COL27A1: variants seen among roughly 807,000 people sequenced by gnomAD.
COL27A1 encodes collagen alpha-1(XXVII) chain.
A neutral mutation model predicts 251.3 loss-of-function variants in COL27A1; 106 were observed. The ratio of observed to expected loss-of-function variants is 0.42; its 90% CI spans 0.36 to 0.50. The LOEUF (loss-of-function observed/expected upper bound fraction) is 0.50. COL27A1 is among the 20% of genes least tolerant of loss of function. The pLI, the probability that COL27A1 is intolerant of heterozygous loss-of-function variation, is 0.00. For synonymous variants in COL27A1, 1,000 were observed against 986.3 expected (o/e 1.01, Z -0.26); for missense variants, 2,325 against 2,522.8 (o/e 0.92, Z 1.68).
chr9:114,310,435 A>T, intron 60 of COL27A1, 114 bp from the exon 61 acceptor site: 1 of 1,151,740 alleles, frequency 8.7e-7, no homozygotes, highest in Non-Finnish European at 1.3e-6. Flanking sequence ...CATTGCTACA[A>T]TGAAATACAG....
At chr9:114,268,982 T>G in intron 34 of COL27A1, 1 of 434,744 alleles carries the variant, frequency 2.3e-6, no homozygotes, top group Non-Finnish European at 4.0e-6. Flanking sequence ...AACAGTACAG[T>G]TAGTTATTAA....
intron 23 of COL27A1, among the ~76,000 whole-genome samples, 179 bp from the exon 24 acceptor site, chr9:114,245,687 G>C (rs1482209083): frequency 6.6e-6 from 1 of 152,226 alleles, no homozygotes; most frequent in East Asian, 1.9e-4. Flanking sequence ...CTGAGGTTCT[G>C]TCCAAGTACC....
intron 28 of COL27A1, among the ~76,000 whole-genome samples, chr9:114,263,777 C>T (rs939556612): frequency 2.0e-5 from 3 of 152,146 alleles, no homozygotes; most frequent in Non-Finnish European, 4.4e-5. Context: ...CCCACTCCCT[C>T]GTGCAAAATC....
chr9:114,263,226 T>C (rs577173836), intron 28 of COL27A1, among the ~76,000 whole-genome samples: 186 of 152,246 alleles, frequency 1.2e-3, no homozygotes, highest in African/African-American at 4.3e-3. Context: ...CGTGAGCCAC[T>C]GTGCCCAGCC....
At chr9:114,253,387 A>AAGAAAGAAAGAAAG (rs10652861) in intron 27 of COL27A1, among the ~76,000 whole-genome samples, 28 of 145,270 alleles carry the variant, frequency 1.9e-4, no homozygotes, top group African/African-American at 6.9e-4. Context: ...GAAAGAAAGA[A>AAGAAAGAAAGAAAG]AAAAGAAAGA....
chr9:114,278,115 T>C (rs577867204), intron 37 of COL27A1, among the ~76,000 whole-genome samples: 3 of 152,000 alleles, frequency 2.0e-5, no homozygotes, highest in African/African-American at 7.2e-5. Flanking sequence ...TTTATAAATT[T>C]AGAGGAGAAA....
Position 114,290,946 on chromosome 9 carries a change from C to G in COL27A1, c.4476+29C>G. ...AGATACCTCTTAATACACTTACCCA[C>G]CCTCTGCCCTTTCTGCCTTGATGCA... On this transcript the variant is annotated intron_variant, in intron 48 of 60. Transcript: ENST00000356083. This position sits in a 1 kb window ranked among gnomAD's most constrained non-coding sequence, Gnocchi z 4.6. 2 of 1,489,376 alleles carry G rather than the reference C, an allele frequency of 1.3e-6. No individual in the cohort carries two copies. Among genetic ancestry groups the G allele is most frequent in the Non-Finnish European group, 1.8e-6 (2 of 1,094,784 alleles). 92.3% of individuals were successfully genotyped at this position (1,489,376 alleles called of 1,614,324 possible).
intron 22 of COL27A1, 54 bp from the exon 23 acceptor site, chr9:114,243,453 C>G: frequency 6.6e-7 from 1 of 1,515,238 alleles, no homozygotes; most frequent in Non-Finnish European, 9.2e-7. Context: ...CCCCTGGACC[C>G]CAGCCATGTT....
At chr9:114,298,443 T>C (rs1355904778) in intron 49 of COL27A1, among the ~76,000 whole-genome samples, 2 of 152,222 alleles carry the variant, frequency 1.3e-5, no homozygotes, top group Non-Finnish European at 2.9e-5. Flanking sequence ...CACTTCCCAA[T>C]TTCAAAACTT....
chr9:114,271,459 T>C (rs1362110820), intron 36 of COL27A1: 1 of 152,382 alleles, frequency 6.6e-6, no homozygotes, highest in Non-Finnish European at 1.5e-5. Context: ...TCAGGACCTA[T>C]GGCTATGAGT....
In COL27A1 at chr9:114,167,947, T is replaced by C. The variant is rs1245394916; in HGVS notation, c.392T>C (p.Leu131Pro). 3.1e-6 allele frequency: 5 copies of C among 1,609,432 alleles called. No individual in the cohort carries two copies. The highest frequency in any genetic ancestry group is 3.4e-6 in the Non-Finnish European group (4 of 1,179,860). The stretch of plus-strand genomic sequence containing the variant: ...AAGCTGCAGCTGGGCCTGCAGTTCC[T>C]CCCCGGCAAGACGGTCGTCCACCTC... The part of the protein sequence containing the change: ...KRKLQLGLQF[L>P]PGKTVVHLGS... The change falls in exon 3 of 61, where the codon CTC becomes CCC. Residue 131 changes from leucine to proline, a missense_variant. Coordinates refer to ENST00000356083, the MANE Select transcript of COL27A1 (RefSeq NM_032888.4).
At position 114,240,414 on chromosome 9, in the gene COL27A1, T is replaced by C; in HGVS notation, c.2782-20T>C. 6.2e-7 allele frequency: 1 copy of C among 1,613,330 alleles called. No individual in the cohort carries two copies. Among genetic ancestry groups the C allele is most frequent in the Non-Finnish European group, 8.5e-7 (1 of 1,179,670 alleles). ...GGAGGTACCGCCTCTGAGACTCCCT[T>C]TTTGTTCCCTTCTCCCCAGGGTAAG... is the stretch of plus-strand genomic sequence containing the variant. On this transcript the variant is annotated intron_variant, in intron 20 of 60. Transcript: ENST00000356083.
Position 114,158,376 on chromosome 9 carries a change from G to A in COL27A1, c.62+2364G>A, listed in dbSNP as rs1215830631. Among the ~76,000 whole-genome samples the A allele has an allele frequency of 3.3e-5, 5 of 152,208 alleles. No individual in the cohort carries two copies. The East Asian group carries it at 5.8e-4, about 18-fold the overall frequency. On this transcript the variant is annotated intron_variant, in intron 1 of 60. Coordinates refer to ENST00000356083, the MANE Select transcript of COL27A1 (RefSeq NM_032888.4). The stretch of plus-strand genomic sequence containing the variant: ...GCAGTCTGCCGGTTCTGGCAGTGTG[G>A]TTACCCAGGAGTAGCCCCATTTGGT...
intron 28 of COL27A1, among the ~76,000 whole-genome samples, chr9:114,263,395 G>T (rs561053247): frequency 6.6e-6 from 1 of 152,026 alleles, no homozygotes; most frequent in Non-Finnish European, 1.5e-5. Flanking sequence ...GCCAGGATGG[G>T]CTGGCCTCCT....
At chr9:114,271,755 G>A (rs1835165757) in intron 36 of COL27A1, 1 of 152,336 alleles carries the variant, frequency 6.6e-6, no homozygotes, top group Admixed American at 6.5e-5. Context: ...CCCAGCCCAG[G>A]TTCCTAAGGG....
chr9:114,300,172 C>G (rs1343561731), intron 50 of COL27A1, 49 bp downstream of exon 50: 3 of 1,533,524 alleles, frequency 2.0e-6, no homozygotes, highest in Non-Finnish European at 2.7e-6. Flanking sequence ...ATCCATTCAC[C>G]CCATTCATTC....
intron 37 of COL27A1, among the ~76,000 whole-genome samples, chr9:114,278,765 G>A (rs1588857862): frequency 1.3e-5 from 2 of 151,894 alleles, no homozygotes; most frequent in African/African-American, 2.4e-5. Context: ...TGGGCCAGAC[G>A]AAGTGTGTGC....
chr9:114,160,507 A>G (rs1259023014), intron 1 of COL27A1, among the ~76,000 whole-genome samples: 3 of 152,152 alleles, frequency 2.0e-5, no homozygotes, highest in African/African-American at 7.2e-5. Context: ...TTCATCTTAT[A>G]AAAATATACT....
intron 14 of COL27A1, among the ~76,000 whole-genome samples, chr9:114,224,504 C>G (rs1370331144): frequency 6.6e-6 from 1 of 152,140 alleles, no homozygotes; most frequent in African/African-American, 2.4e-5. Flanking sequence ...TTTACATATC[C>G]TGTCTGTCAT....
Sources: allele counts gnomAD v4.1 joint callset (sites outside exome capture counted in the v4.1 genomes callset), GRCh38; gene constraint gnomAD v4.1.1; non-coding constraint Gnocchi (gnomAD v3.1); transcripts MANE v1.5; gene names NCBI Gene and HGNC (gene_info 2026-07-23, HGNC 2026-07-21).